Variants in ANO10 observed in about 807,000 individuals in gnomAD.
ANO10 encodes anoctamin-10.
A neutral mutation model predicts 74.7 loss-of-function variants in ANO10; 77 were observed. That is an observed-to-expected ratio of 1.03 (90% CI 0.86 to 1.25). ANO10 has a LOEUF of 1.25. Ranked by LOEUF, ANO10 falls within the 50% of genes most tolerant of loss-of-function variation. ANO10 has a pLI of 0.00. For synonymous variants in ANO10, 279 were observed against 284.9 expected, an observed-to-expected ratio of 0.98 and a Z score of 0.21; for missense variants, 721 against 778.1, an observed-to-expected ratio of 0.93 and a Z score of 0.87.
At chr3:43,582,099 C>G (rs2081287690) in intron 4 of ANO10, among the ~76,000 whole-genome samples, 1 of 152,018 alleles carries the variant, frequency 6.6e-6, no homozygotes, top group Non-Finnish European at 1.5e-5. Context: ...ATAAAAATAT[C>G]AGGCATAAAA....
At chr3:43,556,343 G>T (rs1482399562) in intron 9 of ANO10, among the ~76,000 whole-genome samples, 1 of 152,146 alleles carries the variant, frequency 6.6e-6, no homozygotes, top group East Asian at 1.9e-4. Context: ...TTTTTCTCAG[G>T]TGTGCTATTG....
chr3:43,528,078 C>T (rs1465534783), intron 11 of ANO10, among the ~76,000 whole-genome samples: 1 of 151,954 alleles, frequency 6.6e-6, no homozygotes, highest in Non-Finnish European at 1.5e-5. Flanking sequence ...AAAGAAACAA[C>T]ATTTTACTAT....
At chr3:43,565,925 G>A (rs867599165) in intron 7 of ANO10, among the ~76,000 whole-genome samples, 198 bp from the exon 8 acceptor site, 6 of 152,100 alleles carry the variant, frequency 3.9e-5, no homozygotes, top group Non-Finnish European at 7.4e-5. Context: ...CTGAGGTACC[G>A]GGTTCATCTC....
At position 43,689,450 on chromosome 3, in the gene ANO10, G is replaced by A. The variant is rs1193437959; in HGVS notation, c.-12+2067C>T. Reference sequence around the variant, plus strand: ...ATTTGGAGGTCACTTTGAATATACGGCCCTTTCATGAAACAACCAGGAATT... The same window carrying A: ...ATTTGGAGGTCACTTTGAATATACGACCCTTTCATGAAACAACCAGGAATT... On this transcript the variant is annotated intron_variant, in intron 1 of 3. Coordinates refer to the ANO10 transcript ENST00000413397. 3 of 152,088 alleles carry A rather than the reference G, an allele frequency of 2.0e-5. No homozygotes were observed. The East Asian group carries it at 5.8e-4, about 29-fold the overall frequency. 9.4% of individuals were successfully genotyped at this position (152,088 alleles called of 1,614,324 possible).
chr3:43,447,328 G>A (rs2093262347), intron 11 of ANO10, among the ~76,000 whole-genome samples: 1 of 152,198 alleles, frequency 6.6e-6, no homozygotes, highest in Non-Finnish European at 1.5e-5. Flanking sequence ...ATCAACAGCT[G>A]AATATGAGAC....
At chr3:43,629,229 C>T (rs781498051) in intron 1 of ANO10, among the ~76,000 whole-genome samples, 3 of 152,088 alleles carry the variant, frequency 2.0e-5, no homozygotes, top group South Asian at 2.1e-4. Flanking sequence ...GCAGGTTCCC[C>T]GATAAGGAGG....
intron 1 of ANO10, chr3:43,691,222 G>C (rs2084372184): frequency 2.0e-6 from 1 of 506,840 alleles, no homozygotes. Context: ...CGCTCTGCCT[G>C]GGAGAGGCTC....
intron 11 of ANO10, among the ~76,000 whole-genome samples, chr3:43,445,022 C>A (rs2093222773): frequency 6.7e-6 from 1 of 149,514 alleles, no homozygotes; most frequent in African/African-American, 2.5e-5. Flanking sequence ...ACTCCGTGGG[C>A]TGAGGCAGGA....
chr3:43,654,723 C>T (rs1198201399), intron 1 of ANO10, among the ~76,000 whole-genome samples: 1 of 152,196 alleles, frequency 6.6e-6, no homozygotes, highest in African/African-American at 2.4e-5. Context: ...TGGTCATCCT[C>T]ACTGCATCCC....
intron 2 of ANO10, among the ~76,000 whole-genome samples, 173 bp downstream of exon 2, chr3:43,605,541 T>TC (rs2082519759): frequency 6.6e-6 from 1 of 152,156 alleles, no homozygotes. Context: ...TCCTTTCAAG[T>TC]CCCAGATAGA....
intron 12 of ANO10, chr3:43,372,987 T>G: frequency 1.2e-6 from 1 of 825,204 alleles, no homozygotes. Context: ...GTTCTTGAAG[T>G]CAGCATCACT....
chr3:43,552,716 ATATATATATATATGTATG>A (rs1301353919), intron 10 of ANO10, among the ~76,000 whole-genome samples: 151 of 134,884 alleles, frequency 1.1e-3, no homozygotes, highest in African/African-American at 4.2e-3. Flanking sequence ...ATATATATAT[ATATATATATATATGTATG>A]TATGTATGTA....
chr3:43,499,464 G>T (rs770591418), intron 11 of ANO10, among the ~76,000 whole-genome samples: 6 of 152,120 alleles, frequency 3.9e-5, no homozygotes, highest in Non-Finnish European at 5.9e-5. Context: ...TAGGCTGACA[G>T]GAGGAGCATT....
At chr3:43,602,029 T>C (rs576100062) in intron 2 of ANO10, among the ~76,000 whole-genome samples, 1 of 152,192 alleles carries the variant, frequency 6.6e-6, no homozygotes, top group Non-Finnish European at 1.5e-5. Context: ...AAGTTTCCTT[T>C]AAAGGGCAAC....
chr3:43,563,700 G>A (rs1187855630), intron 8 of ANO10, among the ~76,000 whole-genome samples: 1 of 152,126 alleles, frequency 6.6e-6, no homozygotes, highest in African/African-American at 2.4e-5. Flanking sequence ...GTCAATTGCA[G>A]CAACACGGAT....
At chr3:43,682,275 A>C (rs2084212098) in intron 1 of ANO10, among the ~76,000 whole-genome samples, 1 of 152,238 alleles carries the variant, frequency 6.6e-6, no homozygotes, top group Admixed American at 6.5e-5. Context: ...AGAAATACAA[A>C]CAACCATCAG....
intron 1 of ANO10, among the ~76,000 whole-genome samples, chr3:43,647,686 ATCCTTTTACTGTCTAATTC>A (rs1044067176): frequency 6.6e-6 from 1 of 152,200 alleles, no homozygotes; most frequent in African/African-American, 2.4e-5. Context: ...AAGTATTCAA[ATCCTTTTACTGTCTAATTC>A]TAATTACTTT....
At chr3:43,475,342 G>C (rs950041443) in intron 11 of ANO10, among the ~76,000 whole-genome samples, 4 of 152,038 alleles carry the variant, frequency 2.6e-5, no homozygotes, top group African/African-American at 9.7e-5. Flanking sequence ...CATTCTTATA[G>C]TCAAGGTCTC....
chr3:43,464,085 T>C (rs1185876227), intron 11 of ANO10, among the ~76,000 whole-genome samples: 3 of 152,336 alleles, frequency 2.0e-5, no homozygotes, highest in South Asian at 2.1e-4. Flanking sequence ...CTCAGCCATA[T>C]TGAACTGTAA....
Sources: gnomAD v4.1 joint callset for allele counts (sites outside exome capture counted in the v4.1 genomes callset) on GRCh38, gnomAD v4.1.1 for gene constraint, MANE v1.5 for transcripts, NCBI Gene and HGNC (gene_info 2026-07-23, HGNC 2026-07-21) for gene names.